ALOX15B: variants seen among roughly 807,000 people sequenced by gnomAD.
The protein encoded by ALOX15B is polyunsaturated fatty acid lipoxygenase ALOX15B.
Under a neutral mutation model 73.8 loss-of-function variants are expected in ALOX15B, and 74 were observed. The observed-to-expected ratio is 1.00, with a 90% CI of 0.83 to 1.22. ALOX15B has a LOEUF of 1.22. Ranked by LOEUF, ALOX15B falls within the 50% of genes most tolerant of loss-of-function variation. The pLI is 0.00. For synonymous variants in ALOX15B, 353 were observed against 357.2 expected (o/e 0.99, Z 0.13); for missense variants, 896 against 859.9 (o/e 1.04, Z -0.52).
rs1401735342 is a variant in ALOX15B at position 8,044,899 on chromosome 17, C to G, written c.747C>G (p.Val249=). The G allele has an allele frequency of 1.2e-6, 2 of 1,614,076 alleles. No homozygotes were observed. Among genetic ancestry groups the G allele is most frequent in the South Asian group, 1.1e-5 (1 of 91,072 alleles). ...AGTTCCTGAATGGTCTCAACCCTGT[C>G]CTGATCCGCCGCTGTCACTACCTCC... The part of the protein sequence containing the change: ...ASQFLNGLNP[V]LIRRCHYLPK... Residue 249 remains valine, a synonymous_variant, in exon 6 of 14, where the codon GTC becomes GTG. Transcript: ENST00000380183.
In ALOX15B at chr17:8,039,291, A is replaced by G. The variant is rs1479510128; in HGVS notation, c.136A>G (p.Thr46Ala). The G allele has an allele frequency of 5.7e-6, 9 of 1,586,590 alleles. No homozygotes were observed. The highest frequency in any genetic ancestry group is 1.7e-5 in the Admixed American group (1 of 58,022). The change falls in exon 1 of 14, where the codon ACT becomes GCT. Residue 46 changes from threonine (T) to alanine (A), a missense_variant. Transcript: ENST00000380183. ...CCTGGACAATCTCGGCAAGGAGTTC[A>G]CTGCGGGCGCTGTGAGTGCGTGGGA... The part of the protein sequence containing the change: ...LPLDNLGKEF[T>A]AGAEEDFQVT...
chr17:8,040,607 G>GAA (rs754807264), intron 3 of ALOX15B, among the ~76,000 whole-genome samples: 1 of 113,402 alleles, frequency 8.8e-6, no homozygotes, highest in Admixed American at 8.6e-5. Context: ...GAGAGAGAAA[G>GAA]AAAGAAAGAA....
In ALOX15B at chr17:8,045,279, C is replaced by T. The variant is rs1976574520; in HGVS notation, c.891C>T (p.Gly297=). ...TGGTGGATCACGGCATCCTCTCTGG[C>T]ATCCAGACCAATGTCATTAATGGGA... ...LFLVDHGILS[G]IQTNVINGKP... The change falls in exon 7 of 14, where the codon GGC becomes GGT. Residue 297 remains glycine (G), a synonymous_variant. Coordinates refer to ENST00000380183, the MANE Select transcript of ALOX15B (RefSeq NM_001141.3). 6.2e-7 allele frequency: 1 copy of T among 1,614,204 alleles called. No individual in the cohort carries two copies. Among genetic ancestry groups the T allele is most frequent in the South Asian group, 1.1e-5 (1 of 91,084 alleles).
chr17:8,040,818 G>A (rs1356315055), intron 3 of ALOX15B, among the ~76,000 whole-genome samples: 1 of 152,202 alleles, frequency 6.6e-6, no homozygotes, highest in Non-Finnish European at 1.5e-5. Flanking sequence ...CTAGCAAGGG[G>A]TGAGATGGGG....
intron 8 of ALOX15B, among the ~76,000 whole-genome samples, chr17:8,046,051 C>T (rs1336812154): frequency 6.6e-6 from 1 of 152,078 alleles, no homozygotes; most frequent in Non-Finnish European, 1.5e-5. Flanking sequence ...GTGGGAGGCC[C>T]CCGTGCTCTA....
Position 8,047,587 on chromosome 17 carries a change from CG to C in ALOX15B, c.1606del (p.Glu536LysfsTer10). On this transcript the variant is annotated frameshift_variant, in exon 12 of 14. Coordinates refer to ENST00000380183, the MANE Select transcript of ALOX15B (RefSeq NM_001141.3). LOFTEE classifies it high-confidence loss of function. ...AGGTATACCCTCCTCACTGGAGACC[CG>C]GGAAGCCCTGGTGCAGTATGTCACC... is the stretch of plus-strand genomic sequence containing the variant. ...SSGIPSSLET[R>X]EALVQYVTMV... 6.2e-7 allele frequency: 1 copy of C among 1,608,148 alleles called. No homozygotes were observed. The highest frequency in any genetic ancestry group is 1.1e-5 in the South Asian group (1 of 89,996).
In ALOX15B at chr17:8,039,888, C is replaced by T. The variant is rs1288296200; in HGVS notation, c.368-14C>T. On this transcript the variant is annotated splice_polypyrimidine_tract_variant and intron_variant, in intron 2 of 13. Coordinates refer to ENST00000380183, the MANE Select transcript of ALOX15B (RefSeq NM_001141.3). Reference sequence around the variant, plus strand: ...TTTCTCTCCCCACCCCAACCTACTCCCCTTCTCCCACAGCCAAGGTGTCCT... The same window carrying T: ...TTTCTCTCCCCACCCCAACCTACTCTCCTTCTCCCACAGCCAAGGTGTCCT... The T allele has an allele frequency of 4.9e-5, 79 of 1,608,182 alleles. No individual in the cohort carries two copies. The highest frequency in any genetic ancestry group is 6.5e-5 in the Non-Finnish European group (77 of 1,176,704).
Position 8,039,425 on chromosome 17 carries a change from C to A in ALOX15B, c.187C>A (p.Arg63=). The A allele has an allele frequency of 6.2e-7, 1 of 1,612,724 alleles. No individual in the cohort carries two copies. The highest frequency in any genetic ancestry group is 1.1e-5 in the South Asian group (1 of 90,928). The change falls in exon 2 of 14, where the codon CGA becomes AGA. Residue 63 remains arginine (R), a synonymous_variant. Coordinates refer to ENST00000380183, the MANE Select transcript of ALOX15B (RefSeq NM_001141.3). Reference sequence around the variant, plus strand: ...GGTGACGCTCCCGGAGGACGTAGGCCGAGTGCTGCTGCTGCGCGTGCACAA... The same window carrying A: ...GGTGACGCTCCCGGAGGACGTAGGCAGAGTGCTGCTGCTGCGCGTGCACAA... The part of the protein sequence containing the change: ...FQVTLPEDVG[R]VLLLRVHKAP...
Position 8,048,397 on chromosome 17 carries a change from C to T in ALOX15B, c.1863C>T (p.Gly621=). The change falls in exon 14 of 14, where the codon GGC becomes GGT. Residue 621 remains glycine (G), a synonymous_variant. Transcript: ENST00000380183. ...TGGTGGATCCTCAGAGGCCCCTGGGCACCTATCCGGATGAGCACTTCACAG... is the reference window on the plus strand; with the variant it reads ...TGGTGGATCCTCAGAGGCCCCTGGGTACCTATCCGGATGAGCACTTCACAG... ...SKEPGDQRPL[G]TYPDEHFTEE... 1 of 1,612,184 alleles carries T rather than the reference C, an allele frequency of 6.2e-7. No individual in the cohort carries two copies. Among genetic ancestry groups the T allele is most frequent in the Non-Finnish European group, 8.5e-7 (1 of 1,178,892 alleles).
rs200616718 is a variant in ALOX15B, at chr17:8,047,645, C to T, written c.1661C>T (p.Ala554Val). 86 of 1,611,208 alleles carry T rather than the reference C, an allele frequency of 5.3e-5. No individual in the cohort carries two copies. The Admixed American group carries it at 1.0e-3, about 20-fold the overall frequency. Residue 554 changes from alanine to valine, a missense_variant, in exon 12 of 14, where the codon GCG becomes GTG. Transcript: ENST00000380183. Reference protein sequence around the residue: ...MVIFTCSAKHAAVSAGQFDSC... With the variant: ...MVIFTCSAKHVAVSAGQFDSC... The stretch of plus-strand genomic sequence containing the variant: ...ATATTCACCTGCTCCGCCAAGCATG[C>T]GGCTGTCAGTGCAGGGCAGGTGAGG...
At chr17:8,045,205 AG>A in intron 6 of ALOX15B, 32 bp from the exon 7 acceptor site, 1 of 1,613,494 alleles carries the variant, frequency 6.2e-7, no homozygotes, top group Non-Finnish European at 8.5e-7. Context: ...TTAGAAAACC[AG>A]GTGGCAGCCC....
rs770957424 is a variant in ALOX15B at position 8,039,130 on chromosome 17, T to A, written c.-26T>A. The A allele has an allele frequency of 6.2e-7, 1 of 1,608,336 alleles. No homozygotes were observed. Among genetic ancestry groups the A allele is most frequent in the South Asian group, 1.1e-5 (1 of 90,318 alleles). ...CCCCGCTCTGCAGCCCTGTGCGCCG[T>A]AGAGAGCTGGACTTAGGCTGGCAGC... On this transcript the variant is annotated 5_prime_UTR_variant, in exon 1 of 14. Transcript: ENST00000380183.
At position 8,046,946 on chromosome 17, in the gene ALOX15B, C is replaced by T; in HGVS notation, c.1327C>T (p.Gln443Ter). ...IGIEGFSELI[Q>*]RNMKQLNYSL... ...CATTGAAGGCTTCTCTGAGTTGATA[C>T]AGAGGAACATGAAGCAGCTGAACTA... Residue 443 changes from glutamine to a stop codon, truncating the protein, a stop_gained, in exon 10 of 14, where the codon CAG (glutamine) becomes TAG (stop). Transcript: ENST00000380183. LOFTEE classifies it high-confidence loss of function. 1.9e-6 allele frequency: 3 copies of T among 1,614,184 alleles called. No homozygotes were observed. The highest frequency in any genetic ancestry group is 2.5e-6 in the Non-Finnish European group (3 of 1,180,040).
intron 11 of ALOX15B, 39 bp from the exon 12 acceptor site, chr17:8,047,525 G>C: frequency 6.3e-7 from 1 of 1,575,018 alleles, no homozygotes; most frequent in Non-Finnish European, 8.6e-7. Flanking sequence ...GGGTCCTCAG[G>C]TCCCTGGAAG....
In ALOX15B at chr17:8,042,828, G is replaced by A. The variant is rs776748473; in HGVS notation, c.620G>A (p.Trp207Ter). Residue 207 changes from tryptophan (W) to a stop codon, truncating the protein, a stop_gained, in exon 5 of 14, where the codon TGG (tryptophan) becomes TAG (stop). Transcript: ENST00000380183. LOFTEE classifies it high-confidence loss of function. ...IKGLLDRKGLWRSLNEMKRIF... is the reference protein window; with the variant it reads ...IKGLLDRKGL ...GGGTTGCTGGACCGCAAGGGGCTCT[G>A]GAGGAGTCTGAATGAGATGAAAAGG... 5 of 1,559,396 alleles carry A rather than the reference G, an allele frequency of 3.2e-6. No individual in the cohort carries two copies. Among genetic ancestry groups the A allele is most frequent in the Admixed American group, 3.9e-5 (2 of 51,734 alleles).
intron 2 of ALOX15B, 27 bp from the exon 3 acceptor site, chr17:8,039,874 AC>A: frequency 1.9e-6 from 3 of 1,594,596 alleles, no homozygotes. Flanking sequence ...TTCTCTCCCC[AC>A]CCCAACCTAC....
chr17:8,048,903 A>C lies in ALOX15B; in HGVS notation c.*338A>C. The C allele has an allele frequency of 2.1e-5, 4 of 192,724 alleles. No individual in the cohort carries two copies. The highest frequency in any genetic ancestry group is 1.1e-4 in the Admixed American group (2 of 18,068). The allele number at this position is 192,724 out of a possible 1,614,324, so 11.9% of individuals were successfully genotyped here. The stretch of plus-strand genomic sequence containing the variant: ...TTACAGCCGTGGGGGGAAGCACATA[A>C]TCCCGCCCCAGGGCCCACTAGCATC... On this transcript the variant is annotated 3_prime_UTR_variant, in exon 14 of 14. Transcript: ENST00000380183.
At position 8,045,311 on chromosome 17, in the gene ALOX15B, A is replaced by C. The variant is rs767381071; in HGVS notation, c.923A>C (p.Gln308Pro). 14 of 1,614,144 alleles carry C rather than the reference A, an allele frequency of 8.7e-6. No individual in the cohort carries two copies. The highest frequency in any genetic ancestry group is 1.2e-5 in the Non-Finnish European group (14 of 1,180,022). Reference sequence around the variant, plus strand: ...ACCAATGTCATTAATGGGAAGCCTCAGTTCTCTGCGGCCCCAATGACCCTG... The same window carrying C: ...ACCAATGTCATTAATGGGAAGCCTCCGTTCTCTGCGGCCCCAATGACCCTG... Reference protein sequence around the residue: ...IQTNVINGKPQFSAAPMTLLY... With the variant: ...IQTNVINGKPPFSAAPMTLLY... The change falls in exon 7 of 14, where the codon CAG becomes CCG. Residue 308 changes from glutamine to proline, a missense_variant. Physicochemically the swap from Gln to Pro is moderately conservative, Grantham distance 76. Coordinates refer to ENST00000380183, the MANE Select transcript of ALOX15B (RefSeq NM_001141.3).
Position 8,039,594 on chromosome 17 carries a change from A to G in ALOX15B, c.356A>G (p.Gln119Arg). The change falls in exon 2 of 14, where the codon CAG becomes CGG. Residue 119 changes from glutamine to arginine, a missense_variant. By Grantham distance (43) the Gln-to-Arg change is conservative. Coordinates refer to ENST00000380183, the MANE Select transcript of ALOX15B (RefSeq NM_001141.3). ...GAGGGGGCGGGGACCCTGGTGCTGCAGGAGGGTACAGGTGAGGGGCGGGCC... is the reference window on the plus strand; with the variant it reads ...GAGGGGGCGGGGACCCTGGTGCTGCGGGAGGGTACAGGTGAGGGGCGGGCC... ...WLEGAGTLVLQEGTAKVSWAD... is the reference protein window; with the variant it reads ...WLEGAGTLVLREGTAKVSWAD... 2 of 1,107,136 alleles carry G rather than the reference A, an allele frequency of 1.8e-6. No homozygotes were observed. Among genetic ancestry groups the G allele is most frequent in the Non-Finnish European group, 2.4e-6 (2 of 816,348 alleles). 68.6% of individuals were successfully genotyped at this position (1,107,136 alleles called of 1,614,324 possible). A position where few individuals can be genotyped will look rare whatever the true frequency, so the allele number is the denominator to read the frequency against.
Sources: allele counts gnomAD v4.1 joint callset (sites outside exome capture counted in the v4.1 genomes callset), GRCh38; gene constraint gnomAD v4.1.1; transcripts MANE v1.5; gene names NCBI Gene and HGNC (gene_info 2026-07-23, HGNC 2026-07-21).